Variants in STARD13 observed in about 807,000 individuals in gnomAD.
STARD13 encodes the protein StAR related lipid transfer domain containing 13.
STARD13 carries 62 observed loss-of-function variants against 106.4 expected under a neutral mutation model. That is an observed-to-expected ratio of 0.58 (90% CI 0.48 to 0.72). The LOEUF (loss-of-function observed/expected upper bound fraction) is 0.72, where lower values mean the gene tolerates loss of function less well. Ranked by LOEUF, STARD13 falls within the 30% of genes least tolerant of loss-of-function variation. The pLI is 0.00. For missense variants in STARD13, 1,387 were observed against 1,424.0 expected, an observed-to-expected ratio of 0.97 and a Z score of 0.42; for synonymous variants, 565 against 553.0, an observed-to-expected ratio of 1.02 and a Z score of -0.31.
intron 1 of STARD13, among the ~76,000 whole-genome samples, chr13:33,247,758 C>A (rs554209769): frequency 2.6e-5 from 4 of 152,134 alleles, no homozygotes; most frequent in Non-Finnish European, 5.9e-5. Context: ...CTACTGCTAT[C>A]GCCCAAAACG....
the STARD13 span, among the ~76,000 whole-genome samples, chr13:33,528,265 T>TATATATATAC: frequency 7.6e-6 from 1 of 131,546 alleles, no homozygotes; most frequent in African/African-American, 3.2e-5. Flanking sequence ...TACATATATA[T>TATATATATAC]ATATATATAC....
At chr13:33,385,761 G>A in the STARD13 span, among the ~76,000 whole-genome samples, 1 of 150,390 alleles carries the variant, frequency 6.6e-6, no homozygotes, top group Non-Finnish European at 1.5e-5. Context: ...TTGGGAGGCT[G>A]AGGCAGGAGA....
chr13:33,546,214 AT>A, the STARD13 span, among the ~76,000 whole-genome samples: 1 of 152,050 alleles, frequency 6.6e-6, no homozygotes, highest in Non-Finnish European at 1.5e-5. Context: ...TCCTTTTCTG[AT>A]TTTTTTCTCT....
At chr13:33,277,094 T>C (rs952732930) in intron 1 of STARD13, among the ~76,000 whole-genome samples, 1 of 151,760 alleles carries the variant, frequency 6.6e-6, no homozygotes, top group African/African-American at 2.4e-5. Flanking sequence ...AACAGTAGTA[T>C]ATAAATTTTC....
chr13:33,496,865 TATA>T, the STARD13 span, among the ~76,000 whole-genome samples: 1 of 152,280 alleles, frequency 6.6e-6, no homozygotes, highest in East Asian at 1.9e-4. Context: ...TGAAAATCTT[TATA>T]TAGTTTCGTT....
chr13:33,322,531 C>A (rs1893600094), intron 1 of STARD13, among the ~76,000 whole-genome samples: 1 of 152,204 alleles, frequency 6.6e-6, no homozygotes, highest in African/African-American at 2.4e-5. Context: ...AACTTAAAAT[C>A]TTACATCTGC....
At chr13:33,331,582 T>C (rs915821389) in intron 1 of STARD13, among the ~76,000 whole-genome samples, 5 of 149,630 alleles carry the variant, frequency 3.3e-5, no homozygotes, top group African/African-American at 1.2e-4. Context: ...GTCAGGCTAG[T>C]CTCGAACTCC....
intron 1 of STARD13, among the ~76,000 whole-genome samples, chr13:33,331,173 G>T (rs893111668): frequency 6.6e-6 from 1 of 151,974 alleles, no homozygotes; most frequent in Non-Finnish European, 1.5e-5. Context: ...TTGCACTTCA[G>T]GTCCCAGCAA....
chr13:33,365,726 A>G, the STARD13 span, among the ~76,000 whole-genome samples: 3,084 of 152,288 alleles, frequency 0.02, 128 homozygotes, highest in East Asian at 0.19. Flanking sequence ...CCCATGAACT[A>G]TAAATTCATT....
the STARD13 span, among the ~76,000 whole-genome samples, chr13:33,480,666 T>C: frequency 6.6e-6 from 1 of 152,198 alleles, no homozygotes; most frequent in African/African-American, 2.4e-5. Flanking sequence ...AAACTCATGA[T>C]TATTTTGTTT....
the STARD13 span, among the ~76,000 whole-genome samples, chr13:33,393,710 G>A: frequency 1.3e-5 from 2 of 152,082 alleles, no homozygotes; most frequent in Non-Finnish European, 2.9e-5. Flanking sequence ...CTAAGCTAAA[G>A]GTTTCATATA....
chr13:33,105,478 G>T lies in STARD13; in HGVS notation c.*115C>A, dbSNP rs1873565715. The T allele has an allele frequency of 2.8e-6, 2 of 717,752 alleles. No individual in the cohort carries two copies. The highest frequency in any genetic ancestry group is 2.3e-5 in the Admixed American group (1 of 44,304). The allele number at this position is 717,752 out of a possible 1,614,324, so 44.5% of individuals were successfully genotyped here. On this transcript the variant is annotated 3_prime_UTR_variant, in exon 14 of 14. Coordinates refer to ENST00000336934, the MANE Select transcript of STARD13 (RefSeq NM_178006.4). Reference sequence around the variant, plus strand: ...AACTTCTTAACGTTTCCATTTTTAGGCATTAACCGCGTCCTTCAGTTCCTC... The same window carrying T: ...AACTTCTTAACGTTTCCATTTTTAGTCATTAACCGCGTCCTTCAGTTCCTC...
At position 33,292,035 on chromosome 13, in the gene STARD13, C is replaced by T. The variant is rs78116573; in HGVS notation, c.124+58255G>A. Among the ~76,000 whole-genome samples the T allele has an allele frequency of 4.0e-3, 604 of 152,174 alleles. 7 individuals carry two copies. Among genetic ancestry groups the T allele is most frequent in the Middle Eastern group, 0.014 (4 of 294 alleles). The stretch of plus-strand genomic sequence containing the variant: ...TATTTCTAGTAGCTAACAACCCCTA[C>T]CCCAATATTATAAAAGTAAAAAATA... On this transcript the variant is annotated intron_variant, in intron 1 of 5. Coordinates refer to the STARD13 transcript ENST00000567873.
the STARD13 span, among the ~76,000 whole-genome samples, chr13:33,553,074 A>G: frequency 1.3e-5 from 2 of 152,200 alleles, no homozygotes; most frequent in African/African-American, 4.8e-5. Context: ...TTTAGTATGT[A>G]TTAAAAATAC....
intron 1 of STARD13, among the ~76,000 whole-genome samples, chr13:33,202,190 G>T (rs1277156860): frequency 6.6e-6 from 1 of 152,296 alleles, no homozygotes; most frequent in Non-Finnish European, 1.5e-5. Flanking sequence ...ATGGATGATA[G>T]TTTTAATGTT....
chr13:33,644,873 A>G, the STARD13 span, among the ~76,000 whole-genome samples: 2 of 152,244 alleles, frequency 1.3e-5, no homozygotes, highest in Non-Finnish European at 2.9e-5. Context: ...AGATGGCTCC[A>G]ATATAACAAT....
chr13:33,384,244 CCTTTAG>C, the STARD13 span, among the ~76,000 whole-genome samples: 2 of 152,180 alleles, frequency 1.3e-5, no homozygotes, highest in African/African-American at 4.8e-5. Flanking sequence ...GTAGCTTCTT[CCTTTAG>C]CTTTAACCCT....
Position 33,130,264 on chromosome 13 carries a change from A to G in STARD13, c.413T>C (p.Leu138Pro). 19 of 1,603,690 alleles carry G rather than the reference A, an allele frequency of 1.2e-5. No homozygotes were observed. The highest frequency in any genetic ancestry group is 1.6e-5 in the Non-Finnish European group (19 of 1,179,792). The change falls in exon 5 of 14, where the codon CTT becomes CCT. Residue 138 changes from leucine (L) to proline (P), a missense_variant. By Grantham distance (98) the Leu-to-Pro change is moderately conservative. Coordinates refer to ENST00000336934, the MANE Select transcript of STARD13 (RefSeq NM_178006.4). The surrounding 1 kb of genome is among the most constrained non-coding windows in gnomAD (Gnocchi z 4.1). ...GAAAGTCCATTTGTTGCTGATACAA[A>G]GATCTTCCTCATCGGAGTCGTCACC... ...KKGDDSDEED[L>P]CISNKWTFQR...
chr13:33,636,139 C>CAAAAAAAA, the STARD13 span, among the ~76,000 whole-genome samples: 1 of 47,296 alleles, frequency 2.1e-5, no homozygotes, highest in Non-Finnish European at 5.0e-5. Context: ...GACTCTGTCT[C>CAAAAAAAA]AAAAAAAAAA....
Sources: allele counts gnomAD v4.1 joint callset (sites outside exome capture counted in the v4.1 genomes callset), GRCh38; gene constraint gnomAD v4.1.1; non-coding constraint Gnocchi (gnomAD v3.1); transcripts MANE v1.5; gene names NCBI Gene and HGNC (gene_info 2026-07-23, HGNC 2026-07-21).